The following BUB3 variants were observed in gnomAD, a reference collection of about 807,000 sequenced individuals.
The protein encoded by BUB3 is mitotic checkpoint protein BUB3.
A neutral mutation model predicts 39.9 loss-of-function variants in BUB3; 22 were observed. The ratio of observed to expected loss-of-function variants is 0.55; its 90% CI spans 0.39 to 0.79. The LOEUF (loss-of-function observed/expected upper bound fraction) is 0.79. Among genes scored for constraint, BUB3 ranks in the 30% least tolerant of loss-of-function variants. The pLI, the probability that BUB3 is intolerant of heterozygous loss-of-function variation, is 0.00. For missense variants in BUB3, 303 were observed against 415.4 expected, an observed-to-expected ratio of 0.73 and a Z score of 2.35; for synonymous variants, 168 against 155.1, an observed-to-expected ratio of 1.08 and a Z score of -0.62.
rs538191603 is a variant in BUB3, at chr10:123,169,194, A to T, written c.*5359A>T. ...AGAGGCTGCAGGTGTCCACTTACGT[A>T]CCTGTGGCTAAGATGCGCCTGAGCA... is the stretch of plus-strand genomic sequence containing the variant. On this transcript the variant is annotated 3_prime_UTR_variant, in exon 8 of 8. Transcript: ENST00000368865. 6.6e-6 allele frequency: 1 copy of T among 152,238 alleles called. No homozygotes were observed. The highest frequency in any genetic ancestry group is 1.5e-5 in the Non-Finnish European group (1 of 68,044). The allele number at this position is 152,238 out of a possible 1,614,324, so 9.4% of individuals were successfully genotyped here. A position where few individuals can be genotyped will look rare whatever the true frequency, so the allele number is the denominator to read the frequency against.
rs12221093 is a variant in BUB3 at position 123,161,762 on chromosome 10, A to G, written c.577-474A>G. Among the ~76,000 whole-genome samples, 1,384 of 152,350 alleles carry G rather than the reference A, an allele frequency of 9.1e-3. 76 individuals are homozygous for G. In the East Asian group the frequency reaches 0.16, roughly 18 times the overall value. ...TCTTTGTGCAAACCTGACTTGCTGT[A>G]TTAAATGCAAGAAGTAGTATGACTG... On this transcript the variant is annotated intron_variant, in intron 5 of 7. Coordinates refer to ENST00000368865, the MANE Select transcript of BUB3 (RefSeq NM_004725.4).
rs971550593 is a variant in BUB3 at position 123,169,844 on chromosome 10, A to G, written c.*6009A>G. 2.0e-5 allele frequency: 3 copies of G among 152,176 alleles called. No individual in the cohort carries two copies. The highest frequency in any genetic ancestry group is 4.4e-5 in the Non-Finnish European group (3 of 68,038). The allele number at this position is 152,176 out of a possible 1,614,324, so 9.4% of individuals were successfully genotyped here. A position where few individuals can be genotyped will look rare whatever the true frequency, so the allele number is the denominator to read the frequency against. On this transcript the variant is annotated 3_prime_UTR_variant, in exon 8 of 8. Transcript: ENST00000368865. ...TTTACTGCTTATTCAGGGGGCCACT[A>G]GCTAAGTTAATTTGTGAGCCTGGGC... is the stretch of plus-strand genomic sequence containing the variant.
chr10:123,161,032 G>GT (rs36033975), intron 5 of BUB3, among the ~76,000 whole-genome samples: 21,654 of 148,770 alleles, frequency 0.15, 1,820 homozygotes, highest in African/African-American at 0.24. Flanking sequence ...AACTTTGATA[G>GT]TTTTTTTTTT....
Position 123,155,647 on chromosome 10 carries a change from CTA to C in BUB3, c.196-9_196-8del. On this transcript the variant is annotated splice_polypyrimidine_tract_variant and intron_variant, in intron 2 of 7. Transcript: ENST00000368865. ...GTTCTAGTTTTTAAACGGTTCAAAACTATTTTATAGGATCCAACGCATGCCTG... is the reference window on the plus strand; with the variant it reads ...GTTCTAGTTTTTAAACGGTTCAAAACTTTTATAGGATCCAACGCATGCCTG... 1 of 1,613,382 alleles carries C rather than the reference CTA, an allele frequency of 6.2e-7. No homozygotes were observed. Among genetic ancestry groups the C allele is most frequent in the South Asian group, 1.1e-5 (1 of 91,056 alleles).
Position 123,162,695 on chromosome 10 carries a change from G to A in BUB3, c.838G>A (p.Ala280Thr), listed in dbSNP as rs1844440617. 1.2e-6 allele frequency: 2 copies of A among 1,611,234 alleles called. No individual in the cohort carries two copies. The highest frequency in any genetic ancestry group is 1.7e-6 in the Non-Finnish European group (2 of 1,179,320). Residue 280 changes from alanine (A) to threonine (T), a missense_variant, in exon 7 of 8, where the codon GCA becomes ACA. Around this residue, in one of 2 missense-constraint regions of BUB3, gnomAD observed 182 missense variants for 293.1 expected, o/e 0.62. Coordinates refer to ENST00000368865, the MANE Select transcript of BUB3 (RefSeq NM_004725.4). ...CQFHRYPTSI[A>T]SLAFSNDGTT... Reference sequence around the variant, plus strand: ...ATTCCATCGGTACCCCACGAGCATCGCATCACTTGCCTTCAGTAATGATGG... The same window carrying A: ...ATTCCATCGGTACCCCACGAGCATCACATCACTTGCCTTCAGTAATGATGG...
chr10:123,160,387 G>C lies in BUB3; in HGVS notation c.418-20G>C. 1 of 1,497,400 alleles carries C rather than the reference G, an allele frequency of 6.7e-7. No individual in the cohort carries two copies. The highest frequency in any genetic ancestry group is 1.3e-5 in the South Asian group (1 of 74,206). The allele number at this position is 1,497,400 out of a possible 1,614,324, so 92.8% of individuals were successfully genotyped here. ...CAGGCAAGAAGGTGATTTTTAGCAA[G>C]TTTTGATCTTTTTTAAAAGGTATAT... On this transcript the variant is annotated intron_variant, in intron 4 of 7. Transcript: ENST00000368865.
rs1389534223 is a variant in BUB3 at position 123,170,096 on chromosome 10, C to T, written c.*6261C>T. The T allele has an allele frequency of 6.6e-6, 1 of 152,176 alleles. No individual in the cohort carries two copies. Among genetic ancestry groups the T allele is most frequent in the African/African-American group, 2.4e-5 (1 of 41,422 alleles). 9.4% of individuals were successfully genotyped at this position (152,176 alleles called of 1,614,324 possible). A position where few individuals can be genotyped will look rare whatever the true frequency, so the allele number is the denominator to read the frequency against. On this transcript the variant is annotated 3_prime_UTR_variant, in exon 8 of 8. Coordinates refer to ENST00000368865, the MANE Select transcript of BUB3 (RefSeq NM_004725.4). ...AATTTCTGAGCCTTATTTTCCTCAT[C>T]TGTAAAATGAAGAGAATACCTAGCT...
chr10:123,155,811 A>C (rs1844342149), intron 3 of BUB3, 84 bp downstream of exon 3: 2 of 1,313,972 alleles, frequency 1.5e-6, no homozygotes, highest in African/African-American at 1.5e-5. Context: ...GTGGTTCCTA[A>C]ATTGCTTAGT....
Position 123,165,211 on chromosome 10 carries a change from G to A in BUB3, c.*1376G>A. ...TGTACCTTAATACTTTGTTTAGGATGAGGAGTCTTTGTGTCCCTGTACAGT... is the reference window on the plus strand; with the variant it reads ...TGTACCTTAATACTTTGTTTAGGATAAGGAGTCTTTGTGTCCCTGTACAGT... On this transcript the variant is annotated 3_prime_UTR_variant, in exon 8 of 8. Transcript: ENST00000368865. The A allele has an allele frequency of 1.2e-6, 1 of 855,316 alleles. No individual in the cohort carries two copies. The highest frequency in any genetic ancestry group is 1.8e-6 in the Non-Finnish European group (1 of 548,718). The allele number at this position is 855,316 out of a possible 1,614,324, so 53.0% of individuals were successfully genotyped here. A position where few individuals can be genotyped will look rare whatever the true frequency, so the allele number is the denominator to read the frequency against.
chr10:123,158,081 C>CG (rs1301731075), intron 4 of BUB3, among the ~76,000 whole-genome samples: 1 of 152,166 alleles, frequency 6.6e-6, no homozygotes, highest in Non-Finnish European at 1.5e-5. Flanking sequence ...TTTGGGCCAA[C>CG]TTTTATTTGT....
In BUB3 at chr10:123,164,968, CTTTT is replaced by C; in HGVS notation, c.*1141_*1144del. On this transcript the variant is annotated 3_prime_UTR_variant, in exon 8 of 8. Coordinates refer to ENST00000368865, the MANE Select transcript of BUB3 (RefSeq NM_004725.4). ...TAATTCTTTTGATACAGAGAAGGGT[CTTTT>C]TTTTTTTAAGTATTTCAGTGAAAAC... The C allele has an allele frequency of 7.5e-7, 1 of 1,330,478 alleles. No individual in the cohort carries two copies. Among genetic ancestry groups the C allele is most frequent in the East Asian group, 2.5e-5 (1 of 39,792 alleles). 82.4% of individuals were successfully genotyped at this position (1,330,478 alleles called of 1,614,324 possible).
rs1250833358 is a variant in BUB3, at chr10:123,167,588, A to G, written c.*3753A>G. The G allele has an allele frequency of 6.6e-6, 1 of 152,164 alleles. No homozygotes were observed. The highest frequency in any genetic ancestry group is 1.5e-5 in the Non-Finnish European group (1 of 68,032). 9.4% of individuals were successfully genotyped at this position (152,164 alleles called of 1,614,324 possible). On this transcript the variant is annotated 3_prime_UTR_variant, in exon 8 of 8. Transcript: ENST00000368865. ...GCTGAATTATATAGACTCCTTTTAA[A>G]ATAATTTGAAATATAATTTTGGAGT...
intron 4 of BUB3, 93 bp from the exon 5 acceptor site, chr10:123,160,314 A>G: frequency 1.7e-6 from 2 of 1,180,312 alleles, no homozygotes; most frequent in East Asian, 2.6e-5. Flanking sequence ...CTAATTTTTT[A>G]TGGTCTTATG....
In BUB3 at chr10:123,155,038, C is replaced by T. The variant is rs1844331498; in HGVS notation, c.121C>T (p.Leu41Phe). ...LVSSWDTSVR[L>F]YDVPANSMRL... ...CTCCTCCTGGGACACGTCCGTGCGTCTCTACGATGTGCCGGCCAACTCCAT... is the reference window on the plus strand; with the variant it reads ...CTCCTCCTGGGACACGTCCGTGCGTTTCTACGATGTGCCGGCCAACTCCAT... Residue 41 changes from leucine (L) to phenylalanine (F), a missense_variant, in exon 2 of 8, where the codon CTC (leucine) becomes TTC (phenylalanine). By Grantham distance (22) the Leu-to-Phe change is conservative. This residue lies in a region of BUB3 where 121 missense variants were observed against 122.3 expected (regional missense o/e 0.99). Transcript: ENST00000368865. The T allele has an allele frequency of 6.2e-7, 1 of 1,614,212 alleles. No individual in the cohort carries two copies. Among genetic ancestry groups the T allele is most frequent in the South Asian group, 1.1e-5 (1 of 91,084 alleles).
intron 1 of BUB3, among the ~76,000 whole-genome samples, chr10:123,154,707 G>T (rs1759255246): frequency 6.6e-6 from 1 of 152,174 alleles, no homozygotes; most frequent in African/African-American, 2.4e-5. Context: ...GGGGACGGCG[G>T]TGCGGGCTGG....
In BUB3 at chr10:123,164,965, G is replaced by T; in HGVS notation, c.*1130G>T. ...TTTTAATTCTTTTGATACAGAGAAG[G>T]GTCTTTTTTTTTTTAAGTATTTCAG... On this transcript the variant is annotated 3_prime_UTR_variant, in exon 8 of 8. Transcript: ENST00000368865. 6.6e-7 allele frequency: 1 copy of T among 1,511,776 alleles called. No individual in the cohort carries two copies. Among genetic ancestry groups the T allele is most frequent in the South Asian group, 1.3e-5 (1 of 78,762 alleles). 93.6% of individuals were successfully genotyped at this position (1,511,776 alleles called of 1,614,324 possible).
rs1375508722 is a variant in BUB3, at chr10:123,165,911, C to A, written c.*2076C>A. On this transcript the variant is annotated 3_prime_UTR_variant, in exon 8 of 8. Coordinates refer to ENST00000368865, the MANE Select transcript of BUB3 (RefSeq NM_004725.4). ...CCCTAACCACTTGGTTGAGGACAGACCATAAGTTTAAAACATTGTATAAGT... is the reference window on the plus strand; with the variant it reads ...CCCTAACCACTTGGTTGAGGACAGAACATAAGTTTAAAACATTGTATAAGT... 1 of 152,046 alleles carries A rather than the reference C, an allele frequency of 6.6e-6. No homozygotes were observed. The highest frequency in any genetic ancestry group is 1.5e-5 in the Non-Finnish European group (1 of 68,016). 9.4% of individuals were successfully genotyped at this position (152,046 alleles called of 1,614,324 possible). A position where few individuals can be genotyped will look rare whatever the true frequency, so the allele number is the denominator to read the frequency against.
intron 7 of BUB3, chr10:123,163,140 A>G: frequency 3.4e-6 from 1 of 290,060 alleles, no homozygotes; most frequent in Non-Finnish European, 6.3e-6. Flanking sequence ...GAGGAATTCA[A>G]GAATAATTTA....
chr10:123,164,948 C>G lies in BUB3; in HGVS notation c.*1113C>G. The G allele has an allele frequency of 6.7e-7, 1 of 1,496,080 alleles. No individual in the cohort carries two copies. Among genetic ancestry groups the G allele is most frequent in the Non-Finnish European group, 8.9e-7 (1 of 1,126,124 alleles). 92.7% of individuals were successfully genotyped at this position (1,496,080 alleles called of 1,614,324 possible). On this transcript the variant is annotated 3_prime_UTR_variant, in exon 8 of 8. Coordinates refer to ENST00000368865, the MANE Select transcript of BUB3 (RefSeq NM_004725.4). ...TATCCGTGATGTATTTTTTTTAATT[C>G]TTTTGATACAGAGAAGGGTCTTTTT... is the stretch of plus-strand genomic sequence containing the variant.
Sources: gnomAD v4.1 joint callset for allele counts (sites outside exome capture counted in the v4.1 genomes callset) on GRCh38, gnomAD v4.1.1 for gene constraint, gnomAD v4.1.1 regional missense constraint, MANE v1.5 for transcripts, NCBI Gene and HGNC (gene_info 2026-07-23, HGNC 2026-07-21) for gene names.